SYCP2L: variants seen among roughly 807,000 people sequenced by gnomAD.
The protein encoded by SYCP2L is synaptonemal complex protein 2 like.
In SYCP2L, 98 loss-of-function variants were observed where a neutral mutation model predicts 125.8. The ratio of observed to expected loss-of-function variants is 0.78; its 90% CI spans 0.66 to 0.92. SYCP2L has a LOEUF of 0.92. Ranked by LOEUF, SYCP2L falls within the 40% of genes least tolerant of loss-of-function variation. SYCP2L has a pLI of 0.00. For missense variants in SYCP2L, 842 were observed against 936.4 expected, an observed-to-expected ratio of 0.90 and a Z score of 1.32; for synonymous variants, 317 against 325.4, an observed-to-expected ratio of 0.97 and a Z score of 0.28.
intron 23 of SYCP2L, among the ~76,000 whole-genome samples, chr6:10,951,076 A>G (rs150308889): frequency 2.0e-4 from 30 of 152,276 alleles, no homozygotes; most frequent in African/African-American, 7.0e-4. Flanking sequence ...TGCCCGGCAT[A>G]TAGACACACT....
At chr6:10,951,217 A>T (rs1400435896) in intron 23 of SYCP2L, among the ~76,000 whole-genome samples, 2 of 152,092 alleles carry the variant, frequency 1.3e-5, no homozygotes, top group African/African-American at 4.8e-5. Context: ...TGAGCTTAGG[A>T]GTTCAAGACC....
At chr6:10,915,356 T>C (rs2170187) in intron 14 of SYCP2L, among the ~76,000 whole-genome samples, 1 of 152,192 alleles carries the variant, frequency 6.6e-6, no homozygotes, top group Non-Finnish European at 1.5e-5. Flanking sequence ...TCCGATACTA[T>C]GTTGAAGAGG....
At position 10,934,432 on chromosome 6, in the gene SYCP2L, G is replaced by A. The variant is rs533894219; in HGVS notation, c.1684-626G>A. On this transcript the variant is annotated intron_variant, in intron 20 of 29. Coordinates refer to ENST00000283141, the MANE Select transcript of SYCP2L (RefSeq NM_001040274.3). Reference sequence around the variant, plus strand: ...GGTGGCACATGCCTGTAATCCCAGCGCTTTGGGAGGCCAAGGCGGGCAGAT... The same window carrying A: ...GGTGGCACATGCCTGTAATCCCAGCACTTTGGGAGGCCAAGGCGGGCAGAT... 5.9e-5 allele frequency among the ~76,000 whole-genome samples: 9 copies of A among 152,252 alleles called. No individual in the cohort carries two copies. In the East Asian group the frequency reaches 1.4e-3, roughly 23 times the overall value.
intron 23 of SYCP2L, among the ~76,000 whole-genome samples, chr6:10,953,384 C>T (rs1353554125): frequency 6.6e-6 from 1 of 151,972 alleles, no homozygotes; most frequent in Non-Finnish European, 1.5e-5. Context: ...CCTGTTCTGC[C>T]CCTTCTGGAA....
intron 1 of SYCP2L, among the ~76,000 whole-genome samples, chr6:10,887,593 A>G (rs1280876803): frequency 6.6e-6 from 1 of 152,188 alleles, no homozygotes; most frequent in African/African-American, 2.4e-5. Context: ...AAAAAAACAC[A>G]TGAAGTTTGA....
At chr6:10,967,830 CT>C (rs1421596465) in intron 29 of SYCP2L, among the ~76,000 whole-genome samples, 2 of 152,070 alleles carry the variant, frequency 1.3e-5, no homozygotes, top group African/African-American at 4.8e-5. Context: ...TCTGGTGGGC[CT>C]TAAGTGCCCT....
Position 10,898,109 on chromosome 6 carries a change from T to A in SYCP2L, c.435T>A (p.Thr145=). ...LICVIEDFFD[T]ALIISRSSSE... ...GTGTTATAGAAGATTTCTTTGACAC[T>A]GCATTGGTAAGGATGGGATGGATGC... is the stretch of plus-strand genomic sequence containing the variant. The change falls in exon 5 of 30, where the codon ACT becomes ACA. Residue 145 remains threonine (T), a synonymous_variant. Coordinates refer to ENST00000283141, the MANE Select transcript of SYCP2L (RefSeq NM_001040274.3). 6.2e-7 allele frequency: 1 copy of A among 1,611,794 alleles called. No individual in the cohort carries two copies. The highest frequency in any genetic ancestry group is 8.5e-7 in the Non-Finnish European group (1 of 1,177,848).
chr6:10,968,677 CTCAGGGAGTGGGGAAG>C (rs1219443880), intron 29 of SYCP2L, among the ~76,000 whole-genome samples: 1 of 152,068 alleles, frequency 6.6e-6, no homozygotes, highest in Non-Finnish European at 1.5e-5. Flanking sequence ...AGAGAAAGAC[CTCAGGGAGTGGGGAAG>C]GCAGGGAAGA....
rs1479539523 is a variant in SYCP2L at position 10,902,902 on chromosome 6, C to T, written c.580C>T (p.His194Tyr). Residue 194 changes from histidine (H) to tyrosine (Y), a missense_variant, in exon 8 of 30, where the codon CAC becomes TAC. By Grantham distance (83) the His-to-Tyr change is moderately conservative. Transcript: ENST00000283141. ...CTTGAAGACTTTTAACTGCATTTTG[C>T]ACGCTGTCCCTCGAGAAGAGAGAAA... ...EGLKTFNCIL[H>Y]AVPREERKKF... 1 of 1,614,170 alleles carries T rather than the reference C, an allele frequency of 6.2e-7. No individual in the cohort carries two copies. The highest frequency in any genetic ancestry group is 1.1e-5 in the South Asian group (1 of 91,086).
intron 23 of SYCP2L, among the ~76,000 whole-genome samples, chr6:10,950,550 T>C (rs1446229146): frequency 6.6e-6 from 1 of 152,210 alleles, no homozygotes; most frequent in Non-Finnish European, 1.5e-5. Flanking sequence ...AGAGGATTTA[T>C]GTTTCTTTTA....
intron 4 of SYCP2L, among the ~76,000 whole-genome samples, chr6:10,895,719 C>T (rs891511652): frequency 6.6e-6 from 1 of 152,114 alleles, no homozygotes; most frequent in Non-Finnish European, 1.5e-5. Context: ...AACTCCCAAC[C>T]TCAGATGATT....
intron 21 of SYCP2L, among the ~76,000 whole-genome samples, chr6:10,939,130 AG>A (rs1479619945): frequency 2.0e-5 from 3 of 151,926 alleles, no homozygotes; most frequent in African/African-American, 7.3e-5. Flanking sequence ...AAAAAAAAAA[AG>A]AAAATTTCAT....
intron 14 of SYCP2L, among the ~76,000 whole-genome samples, chr6:10,919,114 G>C (rs1278982180): frequency 6.6e-6 from 1 of 152,124 alleles, no homozygotes. Flanking sequence ...CATTGCTGGT[G>C]AGCTAGTATG....
intron 14 of SYCP2L, among the ~76,000 whole-genome samples, chr6:10,918,486 T>G (rs1382363295): frequency 6.6e-6 from 1 of 152,158 alleles, no homozygotes; most frequent in Non-Finnish European, 1.5e-5. Flanking sequence ...TTTTTCTTTG[T>G]CTTTGTTGTA....
intron 12 of SYCP2L, among the ~76,000 whole-genome samples, chr6:10,911,135 A>G (rs752327000): frequency 4.6e-5 from 7 of 152,156 alleles, no homozygotes; most frequent in Non-Finnish European, 8.8e-5. Flanking sequence ...CAGTTACAGG[A>G]AGCTTGCCTC....
In SYCP2L at chr6:10,891,614, T is replaced by G; in HGVS notation, c.78+33T>G. On this transcript the variant is annotated intron_variant, in intron 2 of 29. Coordinates refer to ENST00000283141, the MANE Select transcript of SYCP2L (RefSeq NM_001040274.3). ...TCAAGTTTCTTTTATAATCTCTCTC[T>G]GTGTGTGTGTGTGTGTGTGTGTGTG... 37 of 4,200 alleles carry G rather than the reference T, an allele frequency of 8.8e-3. 13 individuals are homozygous for G. Among genetic ancestry groups the G allele is most frequent in the Non-Finnish European group, 0.045 (33 of 740 alleles). 0.3% of individuals were successfully genotyped at this position (4,200 alleles called of 1,614,324 possible). A position where few individuals can be genotyped will look rare whatever the true frequency, so the allele number is the denominator to read the frequency against.
intron 20 of SYCP2L, among the ~76,000 whole-genome samples, chr6:10,933,333 T>A (rs1361066162): frequency 6.6e-6 from 1 of 152,182 alleles, no homozygotes; most frequent in Non-Finnish European, 1.5e-5. Context: ...TGGAAACACA[T>A]GGGTATGCTG....
intron 23 of SYCP2L, among the ~76,000 whole-genome samples, chr6:10,949,697 T>C (rs1581840571): frequency 6.6e-6 from 1 of 150,640 alleles, no homozygotes; most frequent in African/African-American, 2.4e-5. Context: ...TAGTTTTCTT[T>C]TGGCTAATAT....
intron 24 of SYCP2L, 127 bp downstream of exon 24, chr6:10,955,344 C>G: frequency 1.7e-6 from 1 of 598,062 alleles, no homozygotes; most frequent in Non-Finnish European, 2.9e-6. Context: ...ATCCTAAAAA[C>G]TAAGCTTTTG....
Sources: gnomAD v4.1 joint callset for allele counts (sites outside exome capture counted in the v4.1 genomes callset) on GRCh38, gnomAD v4.1.1 for gene constraint, MANE v1.5 for transcripts, NCBI Gene and HGNC (gene_info 2026-07-23, HGNC 2026-07-21) for gene names.